TENM4: variants seen among roughly 807,000 people sequenced by gnomAD.
TENM4 encodes teneurin transmembrane protein 4, also known as teneurin-4.
In TENM4, 82 loss-of-function variants were observed where a neutral mutation model predicts 243.3. The ratio of observed to expected loss-of-function variants is 0.34; its 90% CI spans 0.28 to 0.40. The LOEUF is 0.40. Ranked by LOEUF, TENM4 falls within the 10% of genes least tolerant of loss-of-function variation. TENM4 has a pLI of 1.00. For missense variants in TENM4, 3,138 were observed against 3,673.3 expected (o/e 0.85, Z 3.77); for synonymous variants, 1,412 against 1,456.3 (o/e 0.97, Z 0.69).
At chr11:79,341,908 T>C (rs1417708487) in intron 1 of TENM4, among the ~76,000 whole-genome samples, 3 of 152,174 alleles carry the variant, frequency 2.0e-5, no homozygotes, top group Non-Finnish European at 4.4e-5. Flanking sequence ...CCAGCAAATA[T>C]ACCCTAAGCC....
chr11:79,308,845 A>G (rs959844605), intron 1 of TENM4, among the ~76,000 whole-genome samples: 1 of 152,170 alleles, frequency 6.6e-6, no homozygotes, highest in African/African-American at 2.4e-5. Context: ...AATGGGAATA[A>G]CCACACCCAC....
Position 78,814,322 on chromosome 11 carries a change from C to G in TENM4, c.1755G>C (p.Leu585=). Residue 585 remains leucine (L), a synonymous_variant, in exon 13 of 34, where the codon CTG becomes CTC. Coordinates refer to ENST00000278550, the MANE Select transcript of TENM4 (RefSeq NM_001098816.3). ...TGCCACAGTCGGGGCCCAGGAAACC[C>G]AGGAAGCAGTGGCAGGTCCCAGAGA... is the stretch of plus-strand genomic sequence containing the variant. ...DCISGTCHCF[L]GFLGPDCGRA... is the part of the protein sequence containing the mutation. 6.5e-7 allele frequency: 1 copy of G among 1,550,326 alleles called. No individual in the cohort carries two copies. Among genetic ancestry groups the G allele is most frequent in the Admixed American group, 2.0e-5 (1 of 50,794 alleles).
chr11:78,714,455 T>C (rs1859476774), intron 25 of TENM4, among the ~76,000 whole-genome samples: 1 of 152,190 alleles, frequency 6.6e-6, no homozygotes, highest in African/African-American at 2.4e-5. Flanking sequence ...ACTAACCTGA[T>C]ATGATTTTCT....
intron 6 of TENM4, among the ~76,000 whole-genome samples, chr11:78,986,617 G>T (rs753210738): frequency 1.3e-5 from 2 of 152,194 alleles, no homozygotes; most frequent in Admixed American, 1.3e-4. Context: ...CGCCTAGAGC[G>T]CAGTGGTGTG....
chr11:79,214,233 G>C (rs1382222041), intron 3 of TENM4, among the ~76,000 whole-genome samples: 1 of 152,106 alleles, frequency 6.6e-6, no homozygotes. Context: ...GACCTCAAGT[G>C]ATCTACCCGC....
intron 3 of TENM4, among the ~76,000 whole-genome samples, chr11:79,156,193 G>A (rs573653859): frequency 6.6e-6 from 1 of 152,198 alleles, no homozygotes; most frequent in African/African-American, 2.4e-5. Flanking sequence ...GGCTTGCACT[G>A]TGGCTCCGGC....
chr11:79,295,931 A>ACACACACACACT (rs1856444740), intron 2 of TENM4, among the ~76,000 whole-genome samples: 3 of 146,164 alleles, frequency 2.1e-5, no homozygotes, highest in African/African-American at 7.6e-5. Context: ...ACACACACAC[A>ACACACACACACT]CTCCCCCAAA....
chr11:78,826,595 T>C (rs1376736454), intron 12 of TENM4, among the ~76,000 whole-genome samples: 2 of 152,126 alleles, frequency 1.3e-5, no homozygotes, highest in Admixed American at 6.5e-5. Flanking sequence ...CTTTGTGATG[T>C]CTACTCCAGA....
chr11:79,010,822 C>A (rs1161944924), intron 6 of TENM4, among the ~76,000 whole-genome samples: 2 of 152,112 alleles, frequency 1.3e-5, no homozygotes, highest in African/African-American at 2.4e-5. Context: ...GACAGGAAAC[C>A]AAGGGAAGGC....
chr11:79,185,403 G>T (rs1480071319), intron 3 of TENM4, among the ~76,000 whole-genome samples: 2 of 152,290 alleles, frequency 1.3e-5, no homozygotes, highest in East Asian at 1.9e-4. Context: ...AAAGTCCTTT[G>T]CTTCTTAGTC....
At position 78,704,064 on chromosome 11, in the gene TENM4, C is replaced by CAT. The variant is rs1208763439; in HGVS notation, c.4210-1663_4210-1662dup. 6.6e-4 allele frequency among the ~76,000 whole-genome samples: 89 copies of CAT among 134,596 alleles called. No homozygotes were observed. In the Middle Eastern group the frequency reaches 0.012, roughly 18 times the overall value. The allele number at this position is 134,596 out of a possible 152,430, so 88.3% of individuals were successfully genotyped here. On this transcript the variant is annotated intron_variant, in intron 27 of 33. Transcript: ENST00000278550. ...ACACACACACACACACACACACACA[C>CAT]ATATATATATAAATATATACATACA... is the stretch of plus-strand genomic sequence containing the variant.
At chr11:79,247,097 C>T (rs953609634) in intron 2 of TENM4, among the ~76,000 whole-genome samples, 7 of 149,952 alleles carry the variant, frequency 4.7e-5, no homozygotes, top group African/African-American at 1.7e-4. Flanking sequence ...CAATTAAGAA[C>T]AGGACAGATG....
At chr11:79,231,292 A>G (rs1410184881) in intron 2 of TENM4, among the ~76,000 whole-genome samples, 1 of 152,064 alleles carries the variant, frequency 6.6e-6, no homozygotes, top group East Asian at 1.9e-4. Flanking sequence ...ATGTTAAGTG[A>G]ATGCACACAT....
At chr11:78,861,442 GC>G (rs1430438955) in intron 10 of TENM4, among the ~76,000 whole-genome samples, 3 of 152,230 alleles carry the variant, frequency 2.0e-5, no homozygotes, top group African/African-American at 7.2e-5. Context: ...CTAACCCAGA[GC>G]TCTTCCCAGG....
At chr11:79,407,030 AC>A (rs1399537042) in intron 1 of TENM4, among the ~76,000 whole-genome samples, 1 of 152,050 alleles carries the variant, frequency 6.6e-6, no homozygotes, top group African/African-American at 2.4e-5. Context: ...CCTGCCCCTG[AC>A]CCCCAACCTG....
intron 1 of TENM4, among the ~76,000 whole-genome samples, chr11:79,363,065 T>C (rs1005959991): frequency 2.0e-5 from 3 of 152,254 alleles, no homozygotes; most frequent in African/African-American, 4.8e-5. Flanking sequence ...ACTCCTGATA[T>C]GTTTTGTTGG....
chr11:78,835,019 T>C (rs1858070553), intron 12 of TENM4, among the ~76,000 whole-genome samples: 1 of 152,188 alleles, frequency 6.6e-6, no homozygotes, highest in South Asian at 2.1e-4. Context: ...TCTGCTGGCA[T>C]CTCTTGCTGG....
intron 25 of TENM4, among the ~76,000 whole-genome samples, chr11:78,717,440 G>A (rs1008609595): frequency 2.6e-5 from 4 of 152,206 alleles, no homozygotes; most frequent in Admixed American, 2.6e-4. Context: ...GAGGTTGAGT[G>A]TTGGAGCCAC....
intron 2 of TENM4, among the ~76,000 whole-genome samples, chr11:79,218,657 C>T (rs1484688789): frequency 2.0e-5 from 3 of 152,132 alleles, no homozygotes; most frequent in African/African-American, 7.2e-5. Context: ...CTTGCCAAGG[C>T]TTCAGGGAAA....
Sources: allele counts gnomAD v4.1 joint callset (sites outside exome capture counted in the v4.1 genomes callset), GRCh38; gene constraint gnomAD v4.1.1; transcripts MANE v1.5; gene names NCBI Gene and HGNC (gene_info 2026-07-23, HGNC 2026-07-21).